Variants in CD244 observed in about 807,000 individuals in gnomAD.
CD244 encodes the protein CD244 molecule.
In CD244, 20 loss-of-function variants were observed where a neutral mutation model predicts 45.5. That is an observed-to-expected ratio of 0.44 (90% CI 0.31 to 0.64). The LOEUF (loss-of-function observed/expected upper bound fraction) is 0.64, where lower values mean the gene tolerates loss of function less well. Among genes scored for constraint, CD244 ranks in the 30% least tolerant of loss-of-function variants. The probability of loss-of-function intolerance (pLI) is 0.08; values close to 1 mark genes in which losing one functional copy is unlikely to be tolerated. For missense variants in CD244, 407 were observed against 426.9 expected (o/e 0.95, Z 0.41); for synonymous variants, 185 against 160.5 (o/e 1.15, Z -1.15).
chr1:160,838,936 C>A lies in CD244; in HGVS notation c.766+3G>T, dbSNP rs1308538120. On this transcript the variant is annotated splice_donor_region_variant and intron_variant, in intron 4 of 8. Coordinates refer to ENST00000368034, the MANE Select transcript of CD244 (RefSeq NM_016382.4). ...AGCACCACCCTAAGGACCTTCCACT[C>A]ACCTGACTGCTTCTCCTTCCTCTTT... 3.7e-6 allele frequency: 6 copies of A among 1,607,422 alleles called. No homozygotes were observed. Among genetic ancestry groups the A allele is most frequent in the Non-Finnish European group, 4.3e-6 (5 of 1,174,660 alleles).
At chr1:160,850,630 G>A (rs556505188) in intron 1 of CD244, among the ~76,000 whole-genome samples, 65 of 152,260 alleles carry the variant, frequency 4.3e-4, no homozygotes, top group Middle Eastern at 3.4e-3. Flanking sequence ...AAAAGTAGTC[G>A]ATGGAATATA....
At chr1:160,836,418 GGAA>G (rs969765735) in intron 5 of CD244, among the ~76,000 whole-genome samples, 164 bp from the exon 6 acceptor site, 54 of 152,196 alleles carry the variant, frequency 3.5e-4, no homozygotes, top group African/African-American at 1.1e-3. Context: ...GGAAGAGACA[GGAA>G]GAAGAGCAGT....
At chr1:160,861,128 C>G (rs1046242847) in intron 1 of CD244, among the ~76,000 whole-genome samples, 2 of 152,230 alleles carry the variant, frequency 1.3e-5, no homozygotes, top group African/African-American at 4.8e-5. Context: ...CCTCCTTCGG[C>G]TGTCTGAGCT....
rs139079007 is a variant in CD244, at chr1:160,834,642, C to T, written c.895-526G>A. On this transcript the variant is annotated intron_variant, in intron 6 of 8. Transcript: ENST00000368034. ...TTGGGATTACAGGCATGAGCCACCG[C>T]GCCTGGCCTCTTCTCTAACTCTTTT... Among the ~76,000 whole-genome samples, 19 of 152,330 alleles carry T rather than the reference C, an allele frequency of 1.2e-4. No homozygotes were observed. In the East Asian group the frequency reaches 2.7e-3, roughly 22 times the overall value.
At chr1:160,844,221 A>G (rs1056549014) in intron 1 of CD244, among the ~76,000 whole-genome samples, 2 of 152,242 alleles carry the variant, frequency 1.3e-5, no homozygotes, top group African/African-American at 2.4e-5. Context: ...AGTGAAGTAT[A>G]AGAAAAGGAA....
chr1:160,859,390 A>G (rs1670215890), intron 1 of CD244, among the ~76,000 whole-genome samples: 1 of 152,232 alleles, frequency 6.6e-6, no homozygotes, highest in Non-Finnish European at 1.5e-5. Context: ...AGAATTTCGC[A>G]ATGCTCAAGA....
At chr1:160,860,418 C>A (rs536098262) in intron 1 of CD244, among the ~76,000 whole-genome samples, 1 of 151,376 alleles carries the variant, frequency 6.6e-6, no homozygotes, top group East Asian at 1.9e-4. Context: ...GAATGTAATA[C>A]ATGATCTTGA....
chr1:160,836,129 T>A (rs985437399), intron 6 of CD244, 66 bp downstream of exon 6: 2 of 1,207,592 alleles, frequency 1.7e-6, no homozygotes, highest in Non-Finnish European at 2.5e-6. Flanking sequence ...ATGGTGTGAG[T>A]TTCAGGGGGG....
chr1:160,844,445 T>C (rs1228272052), intron 1 of CD244, among the ~76,000 whole-genome samples: 4 of 152,222 alleles, frequency 2.6e-5, no homozygotes, highest in African/African-American at 7.2e-5. Context: ...CCTTCTGTTA[T>C]CAAGAAATGG....
At chr1:160,852,177 G>A (rs1032054292) in intron 1 of CD244, among the ~76,000 whole-genome samples, 5 of 152,166 alleles carry the variant, frequency 3.3e-5, no homozygotes, top group Non-Finnish European at 1.5e-5. Context: ...ATAGCCAATA[G>A]GCATGCATAA....
At chr1:160,831,456 C>A in intron 8 of CD244, 29 bp from the exon 9 acceptor site, 1 of 1,492,074 alleles carries the variant, frequency 6.7e-7, no homozygotes, top group Non-Finnish European at 9.3e-7. Context: ...AACTTCAGAC[C>A]CTTGCACTGG....
At chr1:160,840,251 G>T (rs2101870607) in intron 3 of CD244, among the ~76,000 whole-genome samples, 1 of 149,572 alleles carries the variant, frequency 6.7e-6, no homozygotes, top group South Asian at 2.1e-4. Flanking sequence ...TTACATGTGT[G>T]AGCCACCACA....
chr1:160,849,763 C>T (rs1028166070), intron 1 of CD244, among the ~76,000 whole-genome samples: 8 of 152,154 alleles, frequency 5.3e-5, no homozygotes, highest in South Asian at 2.1e-4. Context: ...CAGTGGCTCA[C>T]GCCTGTAATC....
At chr1:160,844,569 G>A (rs773715637) in intron 1 of CD244, among the ~76,000 whole-genome samples, 1 of 152,180 alleles carries the variant, frequency 6.6e-6, no homozygotes, top group Non-Finnish European at 1.5e-5. Flanking sequence ...ATTTCTACTT[G>A]TTCTCTTGGA....
intron 5 of CD244, 91 bp downstream of exon 5, chr1:160,838,360 G>C: frequency 1.1e-6 from 1 of 939,106 alleles, no homozygotes; most frequent in Non-Finnish European, 1.8e-6. Flanking sequence ...CAGTCGTTCA[G>C]TCCTTTTTGT....
chr1:160,862,567 G>A (rs1415267127), intron 1 of CD244, 50 bp downstream of exon 1: 21 of 1,541,546 alleles, frequency 1.4e-5, no homozygotes, highest in Non-Finnish European at 1.6e-5. Flanking sequence ...TCCCTGAGGG[G>A]CACAGCTCCT....
chr1:160,860,098 T>C (rs559013034), intron 1 of CD244, among the ~76,000 whole-genome samples: 36 of 152,090 alleles, frequency 2.4e-4, no homozygotes, highest in Admixed American at 2.2e-3. Context: ...TCCCAGCTAC[T>C]CGGGAGGCTG....
intron 6 of CD244, 61 bp downstream of exon 6, chr1:160,836,134 G>T: frequency 8.0e-7 from 1 of 1,244,884 alleles, no homozygotes; most frequent in South Asian, 1.2e-5. Flanking sequence ...GTGAGTTTCA[G>T]GGGGGCATTA....
chr1:160,858,291 C>A (rs370639816), intron 1 of CD244, among the ~76,000 whole-genome samples: 14 of 151,980 alleles, frequency 9.2e-5, no homozygotes, highest in Admixed American at 5.9e-4. Flanking sequence ...TGCCTGGATC[C>A]CAGCCAAAGC....
Sources: allele counts gnomAD v4.1 joint callset (sites outside exome capture counted in the v4.1 genomes callset), GRCh38; gene constraint gnomAD v4.1.1; transcripts MANE v1.5; gene names NCBI Gene and HGNC (gene_info 2026-07-23, HGNC 2026-07-21).